ERC1: variants seen among roughly 807,000 people sequenced by gnomAD.
ERC1 encodes ELKS/RAB6-interacting/CAST family member 1.
A neutral mutation model predicts 132.0 loss-of-function variants in ERC1; 56 were observed. The ratio of observed to expected loss-of-function variants is 0.42; its 90% CI spans 0.34 to 0.53. The LOEUF (loss-of-function observed/expected upper bound fraction) is 0.53, where lower values mean the gene tolerates loss of function less well. Ranked by LOEUF, ERC1 falls within the 20% of genes least tolerant of loss-of-function variation. The pLI is 0.03. For missense variants in ERC1, 1,202 were observed against 1,349.9 expected, an observed-to-expected ratio of 0.89 and a Z score of 1.72; for synonymous variants, 478 against 476.1, an observed-to-expected ratio of 1.00 and a Z score of -0.05.
intron 3 of ERC1, among the ~76,000 whole-genome samples, chr12:1,093,968 T>TAC (rs1197152021): frequency 7.8e-6 from 1 of 128,792 alleles, no homozygotes; most frequent in Non-Finnish European, 1.7e-5. Flanking sequence ...TATATATATA[T>TAC]ATATATATAT....
At chr12:1,238,145 C>T (rs997713073) in intron 13 of ERC1, among the ~76,000 whole-genome samples, 2 of 146,678 alleles carry the variant, frequency 1.4e-5, no homozygotes, top group African/African-American at 5.1e-5. Context: ...GTTTTCTCAT[C>T]TTTCTGTTCT....
chr12:1,336,771 A>G (rs1351079359), intron 15 of ERC1, among the ~76,000 whole-genome samples: 1 of 151,092 alleles, frequency 6.6e-6, no homozygotes, highest in Non-Finnish European at 1.5e-5. Flanking sequence ...CTTTGATCCT[A>G]TGCTGAGTTC....
At chr12:1,110,105 T>G in intron 4 of ERC1, 87 bp from the exon 5 acceptor site, 1 of 1,144,494 alleles carries the variant, frequency 8.7e-7, no homozygotes, top group African/African-American at 1.6e-5. Flanking sequence ...CTATCTTTAT[T>G]AAATGTAACT....
chr12:1,083,244 T>C lies in ERC1; in HGVS notation c.750T>C (p.Ser250=). 1 of 1,614,152 alleles carries C rather than the reference T, an allele frequency of 6.2e-7. No individual in the cohort carries two copies. Among genetic ancestry groups the C allele is most frequent in the Non-Finnish European group, 8.5e-7 (1 of 1,179,998 alleles). Residue 250 remains serine, a synonymous_variant, in exon 3 of 19, where the codon AGT becomes AGC. Coordinates refer to ENST00000360905, the MANE Select transcript of ERC1 (RefSeq NM_178040.4). The part of the protein sequence containing the change: ...RDLNQLFQQD[S]SSRTGEPCVA... ...TGAATCAGCTGTTTCAGCAGGATAG[T>C]AGCAGCAGGACTGGCGAACCTTGTG...
intron 1 of ERC1, among the ~76,000 whole-genome samples, chr12:1,019,290 A>C (rs1965975817): frequency 6.6e-6 from 1 of 151,976 alleles, no homozygotes; most frequent in African/African-American, 2.4e-5. Context: ...GGCCCAGCTA[A>C]TTTTTTGTAT....
intron 8 of ERC1, among the ~76,000 whole-genome samples, chr12:1,155,314 CAAAAAAAAA>C (rs151006544): frequency 1.6e-4 from 9 of 55,094 alleles, no homozygotes; most frequent in East Asian, 8.1e-4. Flanking sequence ...GACTTCATCT[CAAAAAAAAA>C]AAAAAAAAAA....
At position 1,254,943 on chromosome 12, in the gene ERC1, C is replaced by CT. The variant is rs59417058; in HGVS notation, c.2488-8076dup. Among the ~76,000 whole-genome samples, 724 of 139,614 alleles carry CT rather than the reference C, an allele frequency of 5.2e-3. 1 individual carries two copies. Among genetic ancestry groups the CT allele is most frequent in the South Asian group, 5.3e-3 (23 of 4,350 alleles). The allele number at this position is 139,614 out of a possible 152,430, so 91.6% of individuals were successfully genotyped here. A position where few individuals can be genotyped will look rare whatever the true frequency, so the allele number is the denominator to read the frequency against. On this transcript the variant is annotated intron_variant, in intron 13 of 18. Coordinates refer to ENST00000360905, the MANE Select transcript of ERC1 (RefSeq NM_178040.4). Reference sequence around the variant, plus strand: ...TTGTGGTGAGAACATCTCAAATCCACTTTTTTTTTTTTTTTAATACTTTAA... The same window carrying CT: ...TTGTGGTGAGAACATCTCAAATCCACTTTTTTTTTTTTTTTTAATACTTTAA...
At chr12:1,480,553 T>C (rs934400630) in intron 18 of ERC1, among the ~76,000 whole-genome samples, 2 of 152,230 alleles carry the variant, frequency 1.3e-5, no homozygotes. Context: ...GCGTTTGGAT[T>C]TGTAGTCTTA....
intron 8 of ERC1, among the ~76,000 whole-genome samples, chr12:1,166,898 G>A (rs1952480791): frequency 6.6e-6 from 1 of 152,158 alleles, no homozygotes. Flanking sequence ...ATGGACATAT[G>A]CAAAGGCTTA....
intron 2 of ERC1, among the ~76,000 whole-genome samples, chr12:1,080,084 G>A (rs149885582): frequency 9.8e-4 from 149 of 152,284 alleles, no homozygotes; most frequent in African/African-American, 3.4e-3. Context: ...TAAAATATCC[G>A]TAAGTGGAAT....
intron 12 of ERC1, among the ~76,000 whole-genome samples, chr12:1,234,206 G>A (rs1357667871): frequency 1.3e-5 from 2 of 152,246 alleles, no homozygotes; most frequent in South Asian, 2.1e-4. Context: ...AGTGATACAC[G>A]TTCAGTAAAA....
chr12:1,279,078 T>C (rs2078480191), intron 14 of ERC1, among the ~76,000 whole-genome samples: 1 of 152,206 alleles, frequency 6.6e-6, no homozygotes, highest in Non-Finnish European at 1.5e-5. Flanking sequence ...TCTCTCATCC[T>C]ATGTGTATAG....
At chr12:1,156,702 T>C (rs1951435671) in intron 8 of ERC1, among the ~76,000 whole-genome samples, 1 of 152,210 alleles carries the variant, frequency 6.6e-6, no homozygotes, top group South Asian at 2.1e-4. Context: ...ACATTTGTTA[T>C]CAAACCTTTT....
At chr12:1,331,803 C>G (rs1350578366) in intron 15 of ERC1, among the ~76,000 whole-genome samples, 1 of 152,182 alleles carries the variant, frequency 6.6e-6, no homozygotes, top group Non-Finnish European at 1.5e-5. Context: ...TTTTGCAGCT[C>G]TGTTCCATTT....
chr12:1,004,806 CTGTGTGTGTGTGTGTGTGTGTGTG>C (rs60674277), intron 1 of ERC1, among the ~76,000 whole-genome samples: 4,551 of 146,952 alleles, frequency 0.031, 95 homozygotes, highest in Middle Eastern at 0.062. Context: ...CTGCCTTTTT[CTGTGTGTGTGTGTGTGTGTGTGTG>C]TGTGTGTGTG....
intron 7 of ERC1, among the ~76,000 whole-genome samples, chr12:1,130,176 T>C (rs1395994751): frequency 1.3e-5 from 2 of 152,188 alleles, no homozygotes; most frequent in African/African-American, 4.8e-5. Context: ...TCAAGGTGTG[T>C]GAAGACAGAA....
chr12:1,044,965 T>A (rs1970851523), intron 2 of ERC1, among the ~76,000 whole-genome samples: 1 of 152,152 alleles, frequency 6.6e-6, no homozygotes, highest in South Asian at 2.1e-4. Flanking sequence ...TGGAAATGAA[T>A]TTTTTATTGC....
At chr12:1,433,956 G>A (rs934078952) in intron 17 of ERC1, among the ~76,000 whole-genome samples, 1 of 147,224 alleles carries the variant, frequency 6.8e-6, no homozygotes, top group Non-Finnish European at 1.5e-5. Flanking sequence ...TCCAGCCTAG[G>A]CGACAGAGTG....
chr12:1,137,169 G>T (rs780454126), intron 7 of ERC1, among the ~76,000 whole-genome samples: 3 of 147,888 alleles, frequency 2.0e-5, no homozygotes, highest in Non-Finnish European at 3.0e-5. Context: ...CACCATCTCG[G>T]CTCGCTGCAA....
Sources: allele counts gnomAD v4.1 joint callset (sites outside exome capture counted in the v4.1 genomes callset), GRCh38; gene constraint gnomAD v4.1.1; transcripts MANE v1.5; gene names NCBI Gene and HGNC (gene_info 2026-07-23, HGNC 2026-07-21).